The following NTRK3 variants were observed in gnomAD, a reference collection of about 807,000 sequenced individuals.
NTRK3 encodes the protein neurotrophic receptor tyrosine kinase 3.
In NTRK3, 24 loss-of-function variants were observed where a neutral mutation model predicts 91.7. That is an observed-to-expected ratio of 0.26 (90% confidence interval 0.19 to 0.37). The LOEUF is 0.37. Among genes scored for constraint, NTRK3 ranks in the 10% least tolerant of loss-of-function variants. NTRK3 has a pLI of 1.00. For synonymous variants in NTRK3, 483 were observed against 404.0 expected, an observed-to-expected ratio of 1.20 and a Z score of -2.34; for missense variants, 880 against 1,068.9, an observed-to-expected ratio of 0.82 and a Z score of 2.46.
At chr15:87,886,246 C>T (rs981538734) in intron 17 of NTRK3, among the ~76,000 whole-genome samples, 8 of 152,000 alleles carry the variant, frequency 5.3e-5, no homozygotes. Context: ...CTGAGGGCAG[C>T]TTGGTAGAAT....
chr15:87,951,412 A>C (rs1019818309), intron 14 of NTRK3, among the ~76,000 whole-genome samples: 9 of 152,184 alleles, frequency 5.9e-5, no homozygotes, highest in Admixed American at 2.0e-4. Context: ...ACCAGCATTC[A>C]ATTTTTATGT....
intron 3 of NTRK3, among the ~76,000 whole-genome samples, chr15:88,224,372 C>G (rs1337868234): frequency 2.0e-5 from 3 of 152,200 alleles, no homozygotes; most frequent in Non-Finnish European, 4.4e-5. Context: ...ATGAGAAGAA[C>G]ATGCCCAGCA....
intron 13 of NTRK3, among the ~76,000 whole-genome samples, chr15:88,076,858 C>T (rs2047593765): frequency 1.3e-5 from 2 of 151,916 alleles, no homozygotes; most frequent in Non-Finnish European, 2.9e-5. Flanking sequence ...TTTGGGAATC[C>T]GAGGTGGGTG....
intron 3 of NTRK3, among the ~76,000 whole-genome samples, chr15:88,246,978 G>A (rs1380184117): frequency 6.6e-6 from 1 of 152,286 alleles, no homozygotes; most frequent in South Asian, 2.1e-4. Flanking sequence ...GGACCGTCTC[G>A]TGCGCCACAC....
chr15:88,239,985 G>T (rs569210810), intron 3 of NTRK3, among the ~76,000 whole-genome samples: 1 of 151,926 alleles, frequency 6.6e-6, no homozygotes, highest in Non-Finnish European at 1.5e-5. Flanking sequence ...GCGCATGCAC[G>T]CCAAAGCTTA....
intron 9 of NTRK3, 24 bp downstream of exon 9, chr15:88,135,874 AT>A: frequency 6.2e-7 from 1 of 1,613,606 alleles, no homozygotes; most frequent in Non-Finnish European, 8.5e-7. Context: ...ACACACAGCC[AT>A]CCCCCACAAT....
intron 14 of NTRK3, among the ~76,000 whole-genome samples, chr15:87,981,733 G>A (rs959116937): frequency 1.3e-5 from 2 of 152,162 alleles, no homozygotes; most frequent in African/African-American, 2.4e-5. Context: ...GGGCCTGGAT[G>A]GATGTTTCTT....
At chr15:87,870,701 T>C (rs1380641754) in exon 19 of NTRK3, 2 of 221,822 alleles carry the variant, frequency 9.0e-6, no homozygotes, top group South Asian at 1.8e-4. Flanking sequence ...TCTAAATTTA[T>C]CATTGCTAAA....
chr15:87,890,155 A>C lies in NTRK3; in HGVS notation c.2134-9727T>G, dbSNP rs1300965756. Among the ~76,000 whole-genome samples the C allele has an allele frequency of 3.3e-5, 5 of 152,168 alleles. No individual in the cohort carries two copies. The South Asian group carries it at 8.3e-4, about 25-fold the overall frequency. The stretch of plus-strand genomic sequence containing the variant: ...CAGAGCCCTGATTAGATCTAGGTTC[A>C]TAAATGGTGCTGTTTGCTTCCTTCT... On this transcript the variant is annotated intron_variant, in intron 17 of 18. Coordinates refer to ENST00000394480, the Ensembl canonical transcript of NTRK3.
chr15:88,186,436 A>C (rs1213171717), intron 3 of NTRK3, among the ~76,000 whole-genome samples: 1 of 152,136 alleles, frequency 6.6e-6, no homozygotes, highest in Non-Finnish European at 1.5e-5. Flanking sequence ...TCCTTGCTGC[A>C]AAGAGTCCTC....
At chr15:88,090,780 G>T (rs1272531966) in intron 13 of NTRK3, among the ~76,000 whole-genome samples, 1 of 151,954 alleles carries the variant, frequency 6.6e-6, no homozygotes, top group Non-Finnish European at 1.5e-5. Context: ...TTCTGCCCAG[G>T]GGCCGAACCC....
At chr15:87,912,926 A>AT (rs1246929478) in intron 17 of NTRK3, among the ~76,000 whole-genome samples, 3 of 34,596 alleles carry the variant, frequency 8.7e-5, no homozygotes, top group South Asian at 2.4e-3. Context: ...CAAAAAGTAA[A>AT]AAAAAATATA....
intron 13 of NTRK3, 73 bp from the exon 14 acceptor site, chr15:88,033,118 A>G: frequency 7.4e-7 from 1 of 1,356,698 alleles, no homozygotes; most frequent in East Asian, 2.6e-5. Flanking sequence ...TCCACAGACA[A>G]CCCCCAACTA....
intron 13 of NTRK3, among the ~76,000 whole-genome samples, chr15:88,049,620 T>C (rs2080607346): frequency 6.6e-6 from 1 of 152,222 alleles, no homozygotes; most frequent in Non-Finnish European, 1.5e-5. Flanking sequence ...CAAGAGGCTG[T>C]TGTCAATATT....
At chr15:88,158,372 C>T (rs1233073748) in intron 5 of NTRK3, among the ~76,000 whole-genome samples, 5 of 152,210 alleles carry the variant, frequency 3.3e-5, no homozygotes, top group Non-Finnish European at 7.3e-5. Flanking sequence ...TAGAGACCTG[C>T]TGTAACAAGA....
intron 3 of NTRK3, among the ~76,000 whole-genome samples, chr15:88,201,823 TG>T (rs1199054735): frequency 6.6e-6 from 1 of 152,200 alleles, no homozygotes; most frequent in Non-Finnish European, 1.5e-5. Context: ...CCCTGTCCAC[TG>T]GGTCTGCTCA....
intron 5 of NTRK3, among the ~76,000 whole-genome samples, chr15:88,169,094 G>A (rs137931094): frequency 5.9e-5 from 9 of 152,296 alleles, no homozygotes; most frequent in African/African-American, 1.2e-4. Context: ...TGGCTTGAGC[G>A]GAGAGCCCTG....
At chr15:88,063,074 C>A (rs1438011182) in intron 13 of NTRK3, among the ~76,000 whole-genome samples, 1 of 152,246 alleles carries the variant, frequency 6.6e-6, no homozygotes, top group Non-Finnish European at 1.5e-5. Flanking sequence ...ACACTGGGCT[C>A]CATCCCTTGG....
intron 5 of NTRK3, among the ~76,000 whole-genome samples, chr15:88,159,096 C>T (rs1186311196): frequency 1.3e-5 from 2 of 152,196 alleles, no homozygotes; most frequent in Non-Finnish European, 2.9e-5. Flanking sequence ...CTGGTGGGAG[C>T]CTGCAGGGGC....
Sources: gnomAD v4.1 joint callset for allele counts (sites outside exome capture counted in the v4.1 genomes callset) on GRCh38, gnomAD v4.1.1 for gene constraint, MANE v1.5 for transcripts, NCBI Gene and HGNC (gene_info 2026-07-23, HGNC 2026-07-21) for gene names.